Variants in RICTOR observed in about 807,000 individuals in gnomAD.
The protein encoded by RICTOR is rapamycin-insensitive companion of mTOR.
In RICTOR, 49 loss-of-function variants were observed where a neutral mutation model predicts 214.9. The ratio of observed to expected loss-of-function variants is 0.23; its 90% CI spans 0.18 to 0.29. The LOEUF (loss-of-function observed/expected upper bound fraction) is 0.29. Among genes scored for constraint, RICTOR ranks in the 10% least tolerant of loss-of-function variants. The pLI is 1.00. For missense variants in RICTOR, 1,625 were observed against 2,047.0 expected, an observed-to-expected ratio of 0.79 and a Z score of 3.98; for synonymous variants, 717 against 711.3, an observed-to-expected ratio of 1.01 and a Z score of -0.13.
chr5:39,023,869 C>T (rs1755615380), intron 2 of RICTOR, among the ~76,000 whole-genome samples: 2 of 152,192 alleles, frequency 1.3e-5, no homozygotes, highest in African/African-American at 2.4e-5. Context: ...GAAGTTGCTA[C>T]ATGCTGAGAT....
At chr5:38,990,633 ATC>A (rs1436082494) in intron 7 of RICTOR, among the ~76,000 whole-genome samples, 2 of 61,276 alleles carry the variant, frequency 3.3e-5, no homozygotes, top group South Asian at 3.8e-4. Context: ...TGATATATAT[ATC>A]TGACATATAT....
chr5:39,018,009 ATTCT>A (rs1755096918), intron 3 of RICTOR, among the ~76,000 whole-genome samples: 1 of 152,270 alleles, frequency 6.6e-6, no homozygotes, highest in East Asian at 1.9e-4. Flanking sequence ...ACATAAAATG[ATTCT>A]TTCATTAAAA....
chr5:38,970,811 C>G (rs1346393671), intron 11 of RICTOR: 2 of 152,030 alleles, frequency 1.3e-5, no homozygotes, highest in African/African-American at 4.8e-5. Context: ...TTAACAATTC[C>G]ATTTTAATCA....
At position 38,950,661 on chromosome 5, in the gene RICTOR, C is replaced by T; in HGVS notation, c.3187G>A (p.Asp1063Asn). The T allele has an allele frequency of 1.2e-6, 2 of 1,611,040 alleles. No homozygotes were observed. The highest frequency in any genetic ancestry group is 1.7e-6 in the Non-Finnish European group (2 of 1,178,496). Residue 1063 changes from aspartate (D) to asparagine (N), a missense_variant, in exon 31 of 38, where the codon GAT (aspartate) becomes AAT (asparagine). Around this residue, in one of 5 missense-constraint regions of RICTOR, gnomAD observed 1,214 missense variants for 1,470.5 expected, o/e 0.83. Coordinates refer to ENST00000357387, the MANE Select transcript of RICTOR (RefSeq NM_152756.5). Reference sequence around the variant, plus strand: ...GTTGGCTCTGTATCTTCATTGATATCAAGGAAAAATGTGCTAGTAGAGCTG... The same window carrying T: ...GTTGGCTCTGTATCTTCATTGATATTAAGGAAAAATGTGCTAGTAGAGCTG... Reference protein sequence around the residue: ...GSSSTSTFFLDINEDTEPTFY... With the variant: ...GSSSTSTFFLNINEDTEPTFY...
At chr5:38,943,343 G>C in intron 36 of RICTOR, 1 of 164,846 alleles carries the variant, frequency 6.1e-6, no homozygotes, top group South Asian at 1.6e-4. Flanking sequence ...CCCTGACTGG[G>C]CTATTTCTTT....
At chr5:39,024,977 T>C (rs2150141407) in intron 2 of RICTOR, among the ~76,000 whole-genome samples, 1 of 152,302 alleles carries the variant, frequency 6.6e-6, no homozygotes, top group South Asian at 2.1e-4. Context: ...CTCTCTAATG[T>C]ATCTAACATA....
At chr5:39,061,016 T>C (rs1239357568) in intron 2 of RICTOR, among the ~76,000 whole-genome samples, 2 of 152,176 alleles carry the variant, frequency 1.3e-5, no homozygotes, top group Middle Eastern at 3.4e-3. Context: ...AGAATTTAAG[T>C]AATGTTTTTA....
chr5:38,955,731 A>G, intron 25 of RICTOR, 27 bp from the exon 26 acceptor site: 1 of 1,189,106 alleles, frequency 8.4e-7, no homozygotes, highest in East Asian at 2.3e-5. Flanking sequence ...TTTTAATTGC[A>G]CATAGTATCA....
At chr5:38,978,387 T>C (rs1023305388) in intron 9 of RICTOR, among the ~76,000 whole-genome samples, 196 bp downstream of exon 9, 13 of 152,154 alleles carry the variant, frequency 8.5e-5, no homozygotes. Context: ...AAATAAGAAA[T>C]TAATCTTTAA....
chr5:39,065,516 C>G (rs1008015432), intron 2 of RICTOR, among the ~76,000 whole-genome samples: 2 of 152,212 alleles, frequency 1.3e-5, no homozygotes, highest in African/African-American at 2.4e-5. Flanking sequence ...GCCTTCCCAA[C>G]AGTCTCCCAA....
chr5:38,982,604 T>C (rs931835037), intron 7 of RICTOR, among the ~76,000 whole-genome samples: 1 of 152,048 alleles, frequency 6.6e-6, no homozygotes, highest in Non-Finnish European at 1.5e-5. Context: ...AACTCAATTT[T>C]CCCCCTTCCA....
At chr5:38,977,268 A>C (rs1369178511) in intron 9 of RICTOR, among the ~76,000 whole-genome samples, 3 of 152,232 alleles carry the variant, frequency 2.0e-5, no homozygotes, top group Non-Finnish European at 4.4e-5. Flanking sequence ...TCTTCACCAG[A>C]GCCTCCAGGC....
At chr5:39,017,763 A>G (rs1755075750) in intron 3 of RICTOR, among the ~76,000 whole-genome samples, 1 of 152,158 alleles carries the variant, frequency 6.6e-6, no homozygotes, top group African/African-American at 2.4e-5. Flanking sequence ...TTTCTATGAA[A>G]TAAAAATCAA....
chr5:38,967,861 T>C (rs1750366878), intron 12 of RICTOR, 82 bp downstream of exon 12: 1 of 682,568 alleles, frequency 1.5e-6, no homozygotes. Flanking sequence ...TTCAATAATT[T>C]AGTATTTCTC....
chr5:39,000,634 T>G (rs1301437804), intron 5 of RICTOR, among the ~76,000 whole-genome samples: 1 of 151,908 alleles, frequency 6.6e-6, no homozygotes, highest in Non-Finnish European at 1.5e-5. Context: ...ATATTCTAAC[T>G]CATGTAGTAA....
intron 2 of RICTOR, among the ~76,000 whole-genome samples, chr5:39,046,415 T>C (rs1487407286): frequency 6.7e-6 from 1 of 149,030 alleles, no homozygotes; most frequent in Non-Finnish European, 1.5e-5. Context: ...GCTTTGCCCA[T>C]TGTTTTCTAT....
intron 2 of RICTOR, among the ~76,000 whole-genome samples, chr5:39,037,293 G>C (rs1430992915): frequency 6.6e-6 from 1 of 151,984 alleles, no homozygotes; most frequent in Non-Finnish European, 1.5e-5. Flanking sequence ...CAACATACCA[G>C]AATCTCTGGG....
rs757992591 is a variant in RICTOR at position 38,942,384 on chromosome 5, GA to G, written c.5053-7del. 10 of 1,566,580 alleles carry G rather than the reference GA, an allele frequency of 6.4e-6. No individual in the cohort carries two copies. The highest frequency in any genetic ancestry group is 3.6e-5 in the South Asian group (3 of 84,430). On this transcript the variant is annotated splice_region_variant and splice_polypyrimidine_tract_variant and intron_variant, in intron 37 of 37. Coordinates refer to ENST00000357387, the MANE Select transcript of RICTOR (RefSeq NM_152756.5). ...GCCTCTGCTTCTTCATGCATCTAGG[GA>G]AAAAATGGTGTATCATCAATTACTT...
intron 36 of RICTOR, among the ~76,000 whole-genome samples, chr5:38,943,768 G>A (rs1321903268): frequency 9.2e-5 from 14 of 152,176 alleles, no homozygotes; most frequent in East Asian, 3.9e-4. Flanking sequence ...AGCCGAGATT[G>A]CACCACTGCA....
Sources: allele counts gnomAD v4.1 joint callset (sites outside exome capture counted in the v4.1 genomes callset), GRCh38; gene constraint gnomAD v4.1.1; regional missense constraint gnomAD v4.1.1; transcripts MANE v1.5; gene names NCBI Gene and HGNC (gene_info 2026-07-23, HGNC 2026-07-21).